CTXND1: variants seen among roughly 807,000 people sequenced by gnomAD.
The protein encoded by CTXND1 is cortexin domain-containing 1 protein.
intron 1 of CTXND1, among the ~76,000 whole-genome samples, chr15:80,233,957 T>A (rs991833582): frequency 6.6e-6 from 1 of 152,134 alleles, no homozygotes; most frequent in Admixed American, 6.5e-5. Context: ...GTCACCACCA[T>A]GGGGTTCCCT....
chr15:80,207,198 CT>C (rs1040046233), intron 1 of CTXND1, among the ~76,000 whole-genome samples: 88 of 152,290 alleles, frequency 5.8e-4, no homozygotes, highest in African/African-American at 2.0e-3. Context: ...AAATATTCAT[CT>C]GTCCCATTTT....
In CTXND1 at chr15:80,200,411, G is replaced by A. The variant is rs1238952239; in HGVS notation, c.*1359C>T. On this transcript the variant is annotated 3_prime_UTR_variant, in exon 3 of 3. Transcript: ENST00000560778. ...AAGGAAGTAGAGGAATTGGGACTTG[G>A]GGCCGGTTTTGTAGGCTCTGCTCTA... The A allele has an allele frequency of 6.6e-6, 1 of 152,150 alleles. No homozygotes were observed. The highest frequency in any genetic ancestry group is 1.5e-5 in the Non-Finnish European group (1 of 68,054). 9.4% of individuals were successfully genotyped at this position (152,150 alleles called of 1,614,324 possible).
intron 1 of CTXND1, among the ~76,000 whole-genome samples, chr15:80,205,645 A>T (rs1322394081): frequency 6.6e-6 from 1 of 152,178 alleles, no homozygotes; most frequent in East Asian, 1.9e-4. Context: ...AATGCACCAG[A>T]TCCCGGCATC....
chr15:80,229,836 CT>C (rs1464994464), intron 1 of CTXND1, among the ~76,000 whole-genome samples: 3 of 152,128 alleles, frequency 2.0e-5, no homozygotes, highest in African/African-American at 7.2e-5. Flanking sequence ...ACATGGAGTT[CT>C]TAAAAAATCC....
chr15:80,238,008 C>CA (rs57718635), intron 1 of CTXND1, among the ~76,000 whole-genome samples: 17,232 of 77,006 alleles, frequency 0.22, 2,137 homozygotes, highest in Middle Eastern at 0.28. Flanking sequence ...GACTCCATCT[C>CA]AAAAAAAAAA....
chr15:80,228,130 T>C (rs1292560827), intron 1 of CTXND1, among the ~76,000 whole-genome samples: 1 of 152,250 alleles, frequency 6.6e-6, no homozygotes, highest in Non-Finnish European at 1.5e-5. Flanking sequence ...GATCATGAGA[T>C]TGCAATAATT....
At chr15:80,249,056 C>T (rs1029167904) in intron 1 of CTXND1, among the ~76,000 whole-genome samples, 12 of 151,972 alleles carry the variant, frequency 7.9e-5, no homozygotes, top group Non-Finnish European at 4.4e-5. Flanking sequence ...GGGCTCAAGT[C>T]ATCCTCCTGC....
At chr15:80,215,048 G>A (rs1189744838) in intron 1 of CTXND1, among the ~76,000 whole-genome samples, 2 of 152,178 alleles carry the variant, frequency 1.3e-5, no homozygotes, top group Non-Finnish European at 2.9e-5. Flanking sequence ...CCAGAAAAAT[G>A]TAAATAGTTA....
At chr15:80,235,733 T>C (rs1893487733) in intron 1 of CTXND1, among the ~76,000 whole-genome samples, 1 of 151,932 alleles carries the variant, frequency 6.6e-6, no homozygotes, top group Non-Finnish European at 1.5e-5. Context: ...CCTGCCACTA[T>C]CACAGGGCTA....
chr15:80,203,430 G>C (rs1567127427), intron 2 of CTXND1, among the ~76,000 whole-genome samples, 159 bp downstream of exon 2: 1 of 152,156 alleles, frequency 6.6e-6, no homozygotes, highest in East Asian at 1.9e-4. Context: ...CTCCTGTAGT[G>C]GGGCTCCATC....
chr15:80,203,824 C>T lies in CTXND1; in HGVS notation c.-217-84G>A, dbSNP rs372492234. The stretch of plus-strand genomic sequence containing the variant: ...TGATGTGGACTCGCCTGGGTAGCTC[C>T]TCCCTGGCATGGGGGTGGGAGCTGC... On this transcript the variant is annotated intron_variant, in intron 1 of 2. Coordinates refer to ENST00000560778, the MANE Select transcript of CTXND1 (RefSeq NM_001352888.2). 4.3e-3 allele frequency: 655 copies of T among 152,132 alleles called. 7 individuals carry two copies. Among genetic ancestry groups the T allele is most frequent in the South Asian group, 0.03 (145 of 4,808 alleles). The allele number at this position is 152,132 out of a possible 1,614,324, so 9.4% of individuals were successfully genotyped here.
Position 80,197,666 on chromosome 15 carries a change from ACT to A in CTXND1, c.*4102_*4103del, listed in dbSNP as rs955133631. 1 of 152,140 alleles carries A rather than the reference ACT, an allele frequency of 6.6e-6. No individual in the cohort carries two copies. The highest frequency in any genetic ancestry group is 2.4e-5 in the African/African-American group (1 of 41,412). 9.4% of individuals were successfully genotyped at this position (152,140 alleles called of 1,614,324 possible). The stretch of plus-strand genomic sequence containing the variant: ...GGGCACATGGATGTGGACCCAGATA[ACT>A]CTGTTTGGGCACCTCTCCACAGGCT... On this transcript the variant is annotated 3_prime_UTR_variant, in exon 3 of 3. Transcript: ENST00000560778.
At position 80,201,767 on chromosome 15, in the gene CTXND1, G is replaced by GC. The variant is rs1330860852; in HGVS notation, c.*2dup. The stretch of plus-strand genomic sequence containing the variant: ...CAGGTCCAGTCCCCACAGCCGCTGT[G>GC]CCTCAGTCGTCCAGGTGCTGCTCCT... On this transcript the variant is annotated 3_prime_UTR_variant, in exon 3 of 3. Coordinates refer to ENST00000560778, the MANE Select transcript of CTXND1 (RefSeq NM_001352888.2). 1.8e-5 allele frequency: 7 copies of GC among 398,786 alleles called. No individual in the cohort carries two copies. Among genetic ancestry groups the GC allele is most frequent in the African/African-American group, 1.2e-4 (6 of 48,640 alleles). The allele number at this position is 398,786 out of a possible 1,614,324, so 24.7% of individuals were successfully genotyped here. A position where few individuals can be genotyped will look rare whatever the true frequency, so the allele number is the denominator to read the frequency against.
chr15:80,224,785 C>G (rs1893355316), intron 1 of CTXND1, among the ~76,000 whole-genome samples: 1 of 152,076 alleles, frequency 6.6e-6, no homozygotes, highest in Non-Finnish European at 1.5e-5. Flanking sequence ...ACTGTGTCAC[C>G]CAGGCTGGAG....
At chr15:80,227,744 A>C (rs190100990) in intron 1 of CTXND1, among the ~76,000 whole-genome samples, 35 of 152,354 alleles carry the variant, frequency 2.3e-4, no homozygotes, top group Admixed American at 2.0e-3. Flanking sequence ...GGCTTCAGGA[A>C]GTTGTAATGT....
intron 1 of CTXND1, among the ~76,000 whole-genome samples, chr15:80,217,089 A>G (rs1324562290): frequency 1.3e-5 from 2 of 152,148 alleles, no homozygotes; most frequent in East Asian, 3.8e-4. Flanking sequence ...ATTGGTTCCA[A>G]CAGCAGAAGG....
Position 80,217,769 on chromosome 15 carries a change from A to T in CTXND1, c.-217-14029T>A, listed in dbSNP as rs1389280573. Among the ~76,000 whole-genome samples, 4 of 151,976 alleles carry T rather than the reference A, an allele frequency of 2.6e-5. No individual in the cohort carries two copies. The East Asian group carries it at 7.8e-4, about 30-fold the overall frequency. ...ACCATGTTGCCCAGGCTGGTCTCGAACTCCTGAGCTCGAGCAATCTGCCTA... is the reference window on the plus strand; with the variant it reads ...ACCATGTTGCCCAGGCTGGTCTCGATCTCCTGAGCTCGAGCAATCTGCCTA... On this transcript the variant is annotated intron_variant, in intron 1 of 2. Transcript: ENST00000560778.
chr15:80,250,167 G>A (rs1029856309), intron 1 of CTXND1, among the ~76,000 whole-genome samples: 1 of 152,158 alleles, frequency 6.6e-6, no homozygotes, highest in Non-Finnish European at 1.5e-5. Context: ...TAATAGTGTG[G>A]CCAGGTAGTG....
intron 1 of CTXND1, among the ~76,000 whole-genome samples, chr15:80,242,757 C>T (rs1465870694): frequency 6.6e-6 from 1 of 152,114 alleles, no homozygotes; most frequent in Non-Finnish European, 1.5e-5. Flanking sequence ...GCCTTTCTGC[C>T]CTACAATGTG....
Sources: allele counts gnomAD v4.1 joint callset (sites outside exome capture counted in the v4.1 genomes callset), GRCh38; gene constraint gnomAD v4.1.1; transcripts MANE v1.5; gene names NCBI Gene and HGNC (gene_info 2026-07-23, HGNC 2026-07-21).